The following RGS12 variants were observed in gnomAD, a reference collection of about 807,000 sequenced individuals.
RGS12 encodes the protein regulator of G protein signaling 12, also known as regulator of G-protein signaling 12.
RGS12 carries 66 observed loss-of-function variants against 120.1 expected under a neutral mutation model. The observed-to-expected ratio is 0.55, with a 90% CI of 0.45 to 0.67. The LOEUF is 0.67. Among genes scored for constraint, RGS12 ranks in the 30% least tolerant of loss-of-function variants. The pLI is 0.00. For synonymous variants in RGS12, 827 were observed against 804.7 expected (o/e 1.03, Z -0.47); for missense variants, 1,859 against 1,957.7 (o/e 0.95, Z 0.95).
rs1194045945 is a variant in RGS12, at chr4:3,374,509, C to G, written c.1999-11907C>G. 2.6e-5 allele frequency among the ~76,000 whole-genome samples: 4 copies of G among 152,124 alleles called. No homozygotes were observed. Among genetic ancestry groups the G allele is most frequent in the Non-Finnish European group, 5.9e-5 (4 of 68,018 alleles). The stretch of plus-strand genomic sequence containing the variant: ...GGTCCACATCTTCTCACCGTCTCTC[C>G]TCGGACATCCAGGAGGCCCCTCAGA... On this transcript the variant is annotated intron_variant, in intron 3 of 17. Coordinates refer to ENST00000336727, the MANE Select transcript of RGS12 (RefSeq NM_001394154.1). This position sits in a 1 kb window ranked among gnomAD's most constrained non-coding sequence, Gnocchi z 6.3.
Position 3,317,099 on chromosome 4 carries a change from G to C in RGS12, c.929G>C (p.Arg310Pro), listed in dbSNP as rs1359603118. ...AGCGCCGTGTGCCCGGACGACCGGCGATTTTTCGGGTTGGTTACCATGCAG... is the reference window on the plus strand; with the variant it reads ...AGCGCCGTGTGCCCGGACGACCGGCCATTTTTCGGGTTGGTTACCATGCAG... ...AFSAVCPDDRRFFGLVTMQTN... is the reference protein window; with the variant it reads ...AFSAVCPDDRPFFGLVTMQTN... The change falls in exon 2 of 18, where the codon CGA becomes CCA. Residue 310 changes from arginine (R) to proline (P), a missense_variant. Arg to Pro is a moderately radical substitution (Grantham distance 103). Transcript: ENST00000336727. 3 of 1,613,798 alleles carry C rather than the reference G, an allele frequency of 1.9e-6. No homozygotes were observed. The East Asian group carries it at 6.7e-5, about 36-fold the overall frequency.
At chr4:3,387,124 C>G (rs560242590) in intron 4 of RGS12, among the ~76,000 whole-genome samples, 3 of 152,196 alleles carry the variant, frequency 2.0e-5, no homozygotes, top group Non-Finnish European at 4.4e-5. Context: ...CGCAGGCTCT[C>G]GGGTTTCATC....
chr4:3,289,353 C>G (rs1043742008), upstream of RGS12, among the ~76,000 whole-genome samples: 1 of 151,960 alleles, frequency 6.6e-6, no homozygotes, highest in African/African-American at 2.4e-5. Flanking sequence ...CAGGCACGCA[C>G]CACCACGCCC....
At chr4:3,307,316 G>C (rs1048017035) in intron 1 of RGS12, among the ~76,000 whole-genome samples, 2 of 152,242 alleles carry the variant, frequency 1.3e-5, no homozygotes, top group Non-Finnish European at 2.9e-5. Flanking sequence ...CCACGCTGCG[G>C]CAGCGTGTGC....
At chr4:3,376,716 G>A (rs920642742) in intron 3 of RGS12, among the ~76,000 whole-genome samples, 2 of 152,210 alleles carry the variant, frequency 1.3e-5, no homozygotes, top group African/African-American at 4.8e-5. Context: ...TCCCTTGGAG[G>A]GTCATGGCTG....
intron 3 of RGS12, chr4:3,370,085 T>C: frequency 7.6e-7 from 1 of 1,310,328 alleles, no homozygotes; most frequent in Non-Finnish European, 9.8e-7. Flanking sequence ...GATGAGACAA[T>C]TGAGATAGAG....
intron 3 of RGS12, among the ~76,000 whole-genome samples, chr4:3,346,032 A>T (rs1465465629): frequency 6.6e-6 from 1 of 152,196 alleles, no homozygotes; most frequent in African/African-American, 2.4e-5. Flanking sequence ...GGCATGAGCC[A>T]CCATGCCCCG....
Position 3,389,826 on chromosome 4 carries a change from G to A in RGS12, c.2020+3389G>A, listed in dbSNP as rs7656119. 0.049 allele frequency among the ~76,000 whole-genome samples: 7,454 copies of A among 152,174 alleles called. 581 individuals are homozygous for A. Among genetic ancestry groups the A allele is most frequent in the African/African-American group, 0.17 (7,047 of 41,476 alleles). On this transcript the variant is annotated intron_variant, in intron 4 of 17. Coordinates refer to ENST00000336727, the MANE Select transcript of RGS12 (RefSeq NM_001394154.1). The surrounding 1 kb of genome is among the most constrained non-coding windows in gnomAD (Gnocchi z 5.2). Reference sequence around the variant, plus strand: ...CATGACACCCCACATACATGACCCCGGTGCTCCAGCTGCTTCTCAAACACT... The same window carrying A: ...CATGACACCCCACATACATGACCCCAGTGCTCCAGCTGCTTCTCAAACACT...
chr4:3,346,206 C>T (rs1446487757), intron 3 of RGS12, among the ~76,000 whole-genome samples: 2 of 152,150 alleles, frequency 1.3e-5, no homozygotes, highest in African/African-American at 4.8e-5. Flanking sequence ...TGGATTAAAG[C>T]AGAGTGAGCA....
At chr4:3,335,769 A>G (rs1416698749) in intron 2 of RGS12, among the ~76,000 whole-genome samples, 4 of 152,264 alleles carry the variant, frequency 2.6e-5, no homozygotes, top group African/African-American at 4.8e-5. Context: ...CCTGGGAGAT[A>G]GAATGAGACT....
At chr4:3,336,441 C>G (rs1442350631) in intron 2 of RGS12, among the ~76,000 whole-genome samples, 2 of 152,236 alleles carry the variant, frequency 1.3e-5, no homozygotes. Context: ...AATCTGACTC[C>G]TCGTAAGTCT....
intron 3 of RGS12, among the ~76,000 whole-genome samples, chr4:3,360,806 G>C (rs79688756): frequency 0.031 from 4,664 of 152,260 alleles, 222 homozygotes; most frequent in African/African-American, 0.099. Context: ...CACAAAGGCC[G>C]ACGGACCCTG....
intron 1 of RGS12, among the ~76,000 whole-genome samples, chr4:3,308,249 C>T (rs1014245374): frequency 2.0e-5 from 3 of 152,240 alleles, no homozygotes; most frequent in Non-Finnish European, 4.4e-5. Flanking sequence ...CGGTGCACTT[C>T]AGGAGGTGAA....
chr4:3,403,179 G>A (rs1375856723), intron 4 of RGS12, among the ~76,000 whole-genome samples: 5 of 152,326 alleles, frequency 3.3e-5, no homozygotes, highest in South Asian at 2.1e-4. Flanking sequence ...CACTTCAGAC[G>A]TAGAGAGTTT....
chr4:3,333,654 G>A (rs1161829688), intron 2 of RGS12, among the ~76,000 whole-genome samples: 1 of 152,120 alleles, frequency 6.6e-6, no homozygotes, highest in Non-Finnish European at 1.5e-5. Flanking sequence ...GTTCATGTGC[G>A]TGTGGGTCTG....
At chr4:3,391,059 T>C (rs999907702) in intron 4 of RGS12, among the ~76,000 whole-genome samples, 8 of 152,252 alleles carry the variant, frequency 5.3e-5, no homozygotes, top group African/African-American at 1.9e-4. Context: ...CCAAAAATGT[T>C]TGCTAAATAG....
chr4:3,305,523 C>T (rs571330800), intron 1 of RGS12, among the ~76,000 whole-genome samples: 38 of 152,360 alleles, frequency 2.5e-4, no homozygotes, highest in African/African-American at 8.2e-4. Flanking sequence ...GGTCTATTGA[C>T]CTGAACTAGA....
chr4:3,427,959 G>C, intron 14 of RGS12, 131 bp from the exon 15 acceptor site: 1 of 854,690 alleles, frequency 1.2e-6, no homozygotes, highest in Non-Finnish European at 2.0e-6. Flanking sequence ...GCTGTGCGTG[G>C]TGAATAAGGG....
chr4:3,428,756 G>A, intron 16 of RGS12, 45 bp downstream of exon 16: 2 of 1,521,526 alleles, frequency 1.3e-6, no homozygotes, highest in African/African-American at 2.8e-5. Context: ...TAAATGCACA[G>A]TTAGTTTCCA....
Sources: allele counts gnomAD v4.1 joint callset (sites outside exome capture counted in the v4.1 genomes callset), GRCh38; gene constraint gnomAD v4.1.1; non-coding constraint Gnocchi (gnomAD v3.1); transcripts MANE v1.5; gene names NCBI Gene and HGNC (gene_info 2026-07-23, HGNC 2026-07-21).